Variants in GTF2A1 observed in about 807,000 individuals in gnomAD.
GTF2A1 encodes the protein transcription initiation factor IIA subunit 1.
In GTF2A1, 12 loss-of-function variants were observed where a neutral mutation model predicts 54.1. The observed-to-expected ratio is 0.22, with a 90% CI of 0.14 to 0.36. The LOEUF (loss-of-function observed/expected upper bound fraction) is 0.36. GTF2A1 is among the 10% of genes least tolerant of loss of function. The probability of loss-of-function intolerance (pLI) is 1.00; values close to 1 mark genes in which losing one functional copy is unlikely to be tolerated. For synonymous variants in GTF2A1, 145 were observed against 152.0 expected (o/e 0.95, Z 0.34); for missense variants, 335 against 442.2 (o/e 0.76, Z 2.17).
intron 1 of GTF2A1, 41 bp from the exon 2 acceptor site, chr14:81,216,555 C>A: frequency 1.1e-6 from 1 of 884,902 alleles, no homozygotes; most frequent in South Asian, 1.5e-5. Flanking sequence ...GACAGTTTTT[C>A]ACAGCTTATA....
At position 81,176,084 on chromosome 14, in the gene GTF2A1, T is replaced by A. The variant is rs1892521501; in HGVS notation, c.*4139A>T. 1 of 152,202 alleles carries A rather than the reference T, an allele frequency of 6.6e-6. No homozygotes were observed. The highest frequency in any genetic ancestry group is 2.4e-5 in the African/African-American group (1 of 41,450). The allele number at this position is 152,202 out of a possible 1,614,324, so 9.4% of individuals were successfully genotyped here. A position where few individuals can be genotyped will look rare whatever the true frequency, so the allele number is the denominator to read the frequency against. On this transcript the variant is annotated 3_prime_UTR_variant, in exon 9 of 9. Coordinates refer to ENST00000553612, the MANE Select transcript of GTF2A1 (RefSeq NM_015859.4). ...GTAAAGCATTTTCCTTTCTAAATTG[T>A]ATTTTATTCAATTATCTATAACAAT...
chr14:81,208,108 C>CA (rs1340490479), intron 2 of GTF2A1, among the ~76,000 whole-genome samples: 1 of 152,132 alleles, frequency 6.6e-6, no homozygotes, highest in African/African-American at 2.4e-5. Flanking sequence ...AAAATGTCTC[C>CA]AGGCCATATC....
intron 2 of GTF2A1, among the ~76,000 whole-genome samples, chr14:81,215,215 CTT>C (rs1156825588): frequency 6.6e-6 from 1 of 152,168 alleles, no homozygotes; most frequent in Non-Finnish European, 1.5e-5. Context: ...GAGTCCTCAT[CTT>C]TTTAATATTC....
intron 7 of GTF2A1, among the ~76,000 whole-genome samples, chr14:81,186,397 A>C (rs1892746096): frequency 1.3e-5 from 2 of 152,186 alleles, no homozygotes; most frequent in African/African-American, 4.8e-5. Context: ...ACAAATCAGC[A>C]TGTTTAGCAT....
At chr14:81,213,156 G>T (rs1397602186) in intron 2 of GTF2A1, among the ~76,000 whole-genome samples, 1 of 152,170 alleles carries the variant, frequency 6.6e-6, no homozygotes, top group Non-Finnish European at 1.5e-5. Context: ...AATACTTACT[G>T]AATGCCAACC....
Position 81,196,211 on chromosome 14 carries a change from T to C in GTF2A1, c.509A>G (p.Asn170Ser), listed in dbSNP as rs147948047. Residue 170 changes from asparagine (N) to serine (S), a missense_variant, in exon 6 of 9, where the codon AAT becomes AGT. Asn to Ser is a conservative substitution (Grantham distance 46, BLOSUM62 1). Coordinates refer to ENST00000553612, the MANE Select transcript of GTF2A1 (RefSeq NM_015859.4). Reference sequence around the variant, plus strand: ...AGGCTGAAAGATATATTGGGCACCATTGGCTGCTCTGACCACCTGAAGAAG... The same window carrying C: ...AGGCTGAAAGATATATTGGGCACCACTGGCTGCTCTGACCACCTGAAGAAG... Reference protein sequence around the residue: ...GQLLQVVRAANGAQYIFQPQQ... With the variant: ...GQLLQVVRAASGAQYIFQPQQ... 328 of 1,614,152 alleles carry C rather than the reference T, an allele frequency of 2.0e-4. 1 individual carries two copies. The highest frequency in any genetic ancestry group is 2.1e-4 in the Non-Finnish European group (244 of 1,179,984).
rs1477497053 is a variant in GTF2A1 at position 81,179,482 on chromosome 14, G to A, written c.*741C>T. 1 of 152,168 alleles carries A rather than the reference G, an allele frequency of 6.6e-6. No homozygotes were observed. The highest frequency in any genetic ancestry group is 2.4e-5 in the African/African-American group (1 of 41,438). The allele number at this position is 152,168 out of a possible 1,614,324, so 9.4% of individuals were successfully genotyped here. ...AGAAACAAATTAAGTTTTTCTGTAA[G>A]GAAATTAAAGTTGTGGTTTCAATTC... is the stretch of plus-strand genomic sequence containing the variant. On this transcript the variant is annotated 3_prime_UTR_variant, in exon 9 of 9. Coordinates refer to ENST00000553612, the MANE Select transcript of GTF2A1 (RefSeq NM_015859.4).
intron 2 of GTF2A1, among the ~76,000 whole-genome samples, chr14:81,210,406 C>T (rs1893337320): frequency 6.6e-6 from 1 of 152,076 alleles, no homozygotes; most frequent in African/African-American, 2.4e-5. Flanking sequence ...GTGGCTCATG[C>T]CTGTAAACCC....
intron 3 of GTF2A1, among the ~76,000 whole-genome samples, chr14:81,203,561 T>C (rs554308433): frequency 1.1e-4 from 17 of 152,306 alleles, no homozygotes; most frequent in African/African-American, 4.1e-4. Flanking sequence ...CCTTTTAGAT[T>C]TAACTTAGGA....
At chr14:81,216,588 T>C in intron 1 of GTF2A1, 74 bp from the exon 2 acceptor site, 7 of 672,210 alleles carry the variant, frequency 1.0e-5, no homozygotes, top group Middle Eastern at 3.6e-4. Context: ...TTTTCACAAA[T>C]TCAAAACGAA....
At chr14:81,193,288 TC>T (rs1214661304) in intron 6 of GTF2A1, among the ~76,000 whole-genome samples, 1 of 151,572 alleles carries the variant, frequency 6.6e-6, no homozygotes, top group African/African-American at 2.4e-5. Context: ...CACCTCAGCC[TC>T]CTGAGTAGCT....
At chr14:81,189,596 G>A (rs146162662) in intron 7 of GTF2A1, among the ~76,000 whole-genome samples, 2 of 152,160 alleles carry the variant, frequency 1.3e-5, no homozygotes, top group Admixed American at 6.5e-5. Context: ...GCGTAAACCC[G>A]GGGGATGGAG....
chr14:81,207,632 A>G (rs1439953119), intron 2 of GTF2A1, among the ~76,000 whole-genome samples: 1 of 152,232 alleles, frequency 6.6e-6, no homozygotes, highest in Non-Finnish European at 1.5e-5. Flanking sequence ...AGCTCAGAAG[A>G]AAACAGGAAA....
At chr14:81,195,047 G>T (rs560857840) in intron 6 of GTF2A1, among the ~76,000 whole-genome samples, 1 of 151,854 alleles carries the variant, frequency 6.6e-6, no homozygotes, top group African/African-American at 2.4e-5. Flanking sequence ...GGCTGAGGCA[G>T]GAGAATCACT....
At chr14:81,211,414 A>G (rs1893361045) in intron 2 of GTF2A1, among the ~76,000 whole-genome samples, 3 of 152,188 alleles carry the variant, frequency 2.0e-5, no homozygotes, top group Admixed American at 6.5e-5. Flanking sequence ...TAAGTACTGT[A>G]TATGTCACAT....
At chr14:81,191,366 C>T (rs892650203) in intron 7 of GTF2A1, among the ~76,000 whole-genome samples, 2 of 152,116 alleles carry the variant, frequency 1.3e-5, no homozygotes, top group Non-Finnish European at 2.9e-5. Flanking sequence ...AAGACATACA[C>T]TACAATATTT....
At chr14:81,197,360 T>C in intron 5 of GTF2A1, 49 bp downstream of exon 5, 1 of 947,340 alleles carries the variant, frequency 1.1e-6, no homozygotes, top group Non-Finnish European at 1.7e-6. Flanking sequence ...GGCTAGATAG[T>C]ACAATTTTCT....
rs769924257 is a variant in GTF2A1 at position 81,197,389 on chromosome 14, G to GT, written c.478+19dup. On this transcript the variant is annotated intron_variant, in intron 5 of 8. Coordinates refer to ENST00000553612, the MANE Select transcript of GTF2A1 (RefSeq NM_015859.4). ...ATTTTCTGAATTACATTTTAAAATG[G>GT]TTCCATCATTCCTAATTACCTGAAT... 8.4e-6 allele frequency: 11 copies of GT among 1,312,112 alleles called. No individual in the cohort carries two copies. Among genetic ancestry groups the GT allele is most frequent in the African/African-American group, 1.4e-5 (1 of 69,228 alleles). 81.3% of individuals were successfully genotyped at this position (1,312,112 alleles called of 1,614,324 possible).
intron 7 of GTF2A1, among the ~76,000 whole-genome samples, chr14:81,186,596 A>G (rs1243322024): frequency 6.6e-6 from 1 of 152,230 alleles, no homozygotes; most frequent in Non-Finnish European, 1.5e-5. Context: ...GATGTAACTG[A>G]GATTTCTAAT....
Sources: gnomAD v4.1 joint callset for allele counts (sites outside exome capture counted in the v4.1 genomes callset) on GRCh38, gnomAD v4.1.1 for gene constraint, MANE v1.5 for transcripts, NCBI Gene and HGNC (gene_info 2026-07-23, HGNC 2026-07-21) for gene names.